Variants in NIN observed in about 807,000 individuals in gnomAD.
The protein encoded by NIN is ninein.
Under a neutral mutation model 257.6 loss-of-function variants are expected in NIN, and 137 were observed. That is an observed-to-expected ratio of 0.53 (90% confidence interval 0.46 to 0.61). The LOEUF (loss-of-function observed/expected upper bound fraction) is 0.61, where lower values mean the gene tolerates loss of function less well. Ranked by LOEUF, NIN falls within the 20% of genes least tolerant of loss-of-function variation. The pLI is 0.00. For missense variants in NIN, 2,439 were observed against 2,501.2 expected, an observed-to-expected ratio of 0.98 and a Z score of 0.53; for synonymous variants, 918 against 919.8, an observed-to-expected ratio of 1.00 and a Z score of 0.04.
intron 22 of NIN, among the ~76,000 whole-genome samples, chr14:50,747,748 AAAG>A (rs962339651): frequency 6.5e-5 from 8 of 123,740 alleles, no homozygotes; most frequent in African/African-American, 2.4e-4. Context: ...TAAAAAAAAA[AAAG>A]GGGGGGATTT....
At chr14:50,777,600 TAA>T (rs2042972192) in intron 6 of NIN, among the ~76,000 whole-genome samples, 1 of 151,998 alleles carries the variant, frequency 6.6e-6, no homozygotes, top group Non-Finnish European at 1.5e-5. Flanking sequence ...AATTTCATGA[TAA>T]AAGTCTCAAC....
chr14:50,740,280 G>A (rs1041871900), intron 25 of NIN, among the ~76,000 whole-genome samples: 10 of 151,192 alleles, frequency 6.6e-5, no homozygotes, highest in African/African-American at 2.2e-4. Flanking sequence ...TCCACCTCCC[G>A]GGCTCAAGCA....
chr14:50,744,878 G>T (rs1408556403), intron 22 of NIN, among the ~76,000 whole-genome samples: 1 of 152,114 alleles, frequency 6.6e-6, no homozygotes, highest in East Asian at 1.9e-4. Flanking sequence ...AGGCTGCAGT[G>T]AGCCGAGATG....
chr14:50,802,828 G>C (rs965267843), intron 4 of NIN, among the ~76,000 whole-genome samples: 2 of 152,054 alleles, frequency 1.3e-5, no homozygotes, highest in African/African-American at 4.8e-5. Context: ...CTCACTCAAG[G>C]GTGGCTCTAT....
chr14:50,723,738 G>A (rs2040315278), intron 30 of NIN, 66 bp from the exon 31 acceptor site: 4 of 1,368,634 alleles, frequency 2.9e-6, no homozygotes. Context: ...TCAGTTTAAG[G>A]TCTGACATAA....
chr14:50,829,750 G>C (rs577616135), intron 2 of NIN, among the ~76,000 whole-genome samples: 9 of 152,262 alleles, frequency 5.9e-5, no homozygotes, highest in East Asian at 1.9e-4. Flanking sequence ...CCTTCACCTC[G>C]GGTTGTCAGG....
At chr14:50,800,981 A>C (rs973183943) in intron 4 of NIN, among the ~76,000 whole-genome samples, 1 of 148,956 alleles carries the variant, frequency 6.7e-6, no homozygotes, top group African/African-American at 2.5e-5. Context: ...ACGGGCTTTC[A>C]CCATGTTGGT....
chr14:50,803,882 CTTTT>C (rs907379305), intron 4 of NIN, among the ~76,000 whole-genome samples: 1 of 144,650 alleles, frequency 6.9e-6, no homozygotes, highest in African/African-American at 2.5e-5. Context: ...GGTAGAGTCA[CTTTT>C]TTTTTTCTTT....
chr14:50,766,162 C>G, intron 14 of NIN, 145 bp downstream of exon 14: 1 of 651,782 alleles, frequency 1.5e-6, no homozygotes, highest in Non-Finnish European at 2.7e-6. Context: ...GTGGTGGGTA[C>G]TTTTATTTTT....
At chr14:50,824,719 T>C (rs886682093) in intron 2 of NIN, among the ~76,000 whole-genome samples, 4 of 152,220 alleles carry the variant, frequency 2.6e-5, no homozygotes, top group African/African-American at 9.6e-5. Flanking sequence ...ATGGATTGAC[T>C]TCCTGTATGG....
intron 3 of NIN, among the ~76,000 whole-genome samples, chr14:50,821,113 A>G (rs1362326699): frequency 1.3e-5 from 2 of 152,260 alleles, no homozygotes; most frequent in Non-Finnish European, 2.9e-5. Flanking sequence ...TCAAAGCCAT[A>G]TAAACCTATT....
At chr14:50,760,710 T>C (rs2042244308) in intron 16 of NIN, among the ~76,000 whole-genome samples, 1 of 152,184 alleles carries the variant, frequency 6.6e-6, no homozygotes. Flanking sequence ...TCTCACTCTG[T>C]CACCCAAGCT....
chr14:50,827,968 A>AG (rs2045538877), intron 2 of NIN, among the ~76,000 whole-genome samples: 2 of 140,288 alleles, frequency 1.4e-5, no homozygotes, highest in Admixed American at 7.9e-5. Context: ...GGTTAGCTAC[A>AG]GGAAAAAAAA....
chr14:50,785,823 G>A lies in NIN; in HGVS notation c.435+6889C>T, dbSNP rs534366958. On this transcript the variant is annotated intron_variant, in intron 5 of 30. Coordinates refer to ENST00000530997, the MANE Select transcript of NIN (RefSeq NM_020921.4). ...GTTTCTGCAGGGACACACTTCCTGG[G>A]ACTGTGGTTCATTTTCCACTATGCC... is the stretch of plus-strand genomic sequence containing the variant. Among the ~76,000 whole-genome samples the A allele has an allele frequency of 3.2e-3, 486 of 152,310 alleles. 6 individuals are homozygous for A. Among genetic ancestry groups the A allele is most frequent in the African/African-American group, 0.011 (457 of 41,564 alleles).
chr14:50,756,650 CTT>C lies in NIN; in HGVS notation c.4378_4379del (p.Lys1460ValfsTer6). The C allele has an allele frequency of 1.3e-6, 2 of 1,553,882 alleles. No homozygotes were observed. The highest frequency in any genetic ancestry group is 2.7e-5 in the African/African-American group (2 of 73,274). ...TIAELELEKT[K>X]LQELTRKLKE... The stretch of plus-strand genomic sequence containing the variant: ...TCAACTTCCTAGTCAGCTCCTGTAA[CTT>C]TGTTTTCTCCAGTTCTAACTCTGCT... On this transcript the variant is annotated frameshift_variant, in exon 18 of 31. Transcript: ENST00000530997. LOFTEE classifies it high-confidence loss of function.
At chr14:50,764,347 G>C (rs1595809280) in intron 14 of NIN, among the ~76,000 whole-genome samples, 2 of 152,096 alleles carry the variant, frequency 1.3e-5, no homozygotes, top group Admixed American at 1.3e-4. Flanking sequence ...GAATCAAAAA[G>C]ACATACAATA....
At chr14:50,817,241 C>G (rs1009132710) in intron 3 of NIN, among the ~76,000 whole-genome samples, 2 of 152,210 alleles carry the variant, frequency 1.3e-5, no homozygotes, top group South Asian at 2.1e-4. Context: ...ACCACTATTA[C>G]AAACCAATGG....
At chr14:50,762,977 C>T (rs2042330759) in intron 15 of NIN, among the ~76,000 whole-genome samples, 1 of 152,140 alleles carries the variant, frequency 6.6e-6, no homozygotes, top group African/African-American at 2.4e-5. Flanking sequence ...AAGTCCATAA[C>T]AGCTGCCGAG....
chr14:50,766,439 C>T (rs2042491232), intron 13 of NIN, 43 bp from the exon 14 acceptor site: 1 of 1,559,686 alleles, frequency 6.4e-7, no homozygotes, highest in Non-Finnish European at 8.8e-7. Context: ...TCCCGAGTGC[C>T]CTTCTTTGAC....
Sources: allele counts gnomAD v4.1 joint callset (sites outside exome capture counted in the v4.1 genomes callset), GRCh38; gene constraint gnomAD v4.1.1; transcripts MANE v1.5; gene names NCBI Gene and HGNC (gene_info 2026-07-23, HGNC 2026-07-21).